SRGAP3: variants seen among roughly 807,000 people sequenced by gnomAD.
The protein encoded by SRGAP3 is SLIT-ROBO Rho GTPase-activating protein 3.
A neutral mutation model predicts 121.1 loss-of-function variants in SRGAP3; 39 were observed. The observed-to-expected ratio is 0.32, with a 90% CI of 0.25 to 0.42. The LOEUF is 0.42. SRGAP3 is among the 10% of genes least tolerant of loss of function. The probability of loss-of-function intolerance (pLI) is 1.00; values close to 1 mark genes in which losing one functional copy is unlikely to be tolerated. For missense variants in SRGAP3, 1,213 were observed against 1,470.6 expected, an observed-to-expected ratio of 0.82 and a Z score of 2.86; for synonymous variants, 601 against 570.0, an observed-to-expected ratio of 1.05 and a Z score of -0.77.
At chr3:9,231,153 T>A (rs1462645779) in intron 1 of SRGAP3, among the ~76,000 whole-genome samples, 2 of 152,148 alleles carry the variant, frequency 1.3e-5, no homozygotes, top group Non-Finnish European at 2.9e-5. Flanking sequence ...TCGGCCAAGG[T>A]CTGGGGTGGA....
At chr3:9,335,950 T>C (rs2125287945) in intron 1 of SRGAP3, among the ~76,000 whole-genome samples, 1 of 152,272 alleles carries the variant, frequency 6.6e-6, no homozygotes, top group East Asian at 1.9e-4. Context: ...GGGACTTCAC[T>C]TGGACCTTGA....
chr3:9,225,736 A>C (rs1195095883), intron 1 of SRGAP3, among the ~76,000 whole-genome samples: 5 of 152,164 alleles, frequency 3.3e-5, no homozygotes, highest in African/African-American at 1.2e-4. Flanking sequence ...CAGGGATGGC[A>C]AACTCCAACA....
At chr3:9,348,225 G>C (rs1030998138) in intron 1 of SRGAP3, among the ~76,000 whole-genome samples, 3 of 152,168 alleles carry the variant, frequency 2.0e-5, no homozygotes. Context: ...CTCTGTGGTA[G>C]GTGAAATGAC....
chr3:9,276,359 C>G (rs764724522), intron 3 of SRGAP3, among the ~76,000 whole-genome samples: 2 of 151,992 alleles, frequency 1.3e-5, no homozygotes, highest in Non-Finnish European at 2.9e-5. Context: ...CTTGCTGGAC[C>G]CTCCTTCATT....
At chr3:9,047,904 T>A (rs1019533562) in intron 9 of SRGAP3, among the ~76,000 whole-genome samples, 3 of 152,228 alleles carry the variant, frequency 2.0e-5, no homozygotes, top group African/African-American at 7.2e-5. Context: ...CTTTATCGGA[T>A]CTGTCAGAGA....
intron 4 of SRGAP3, chr3:9,065,309 G>C (rs986213322): frequency 6.6e-6 from 1 of 152,170 alleles, no homozygotes; most frequent in African/African-American, 2.4e-5. Flanking sequence ...AAATTTCTGA[G>C]CCAGAAGAAA....
chr3:9,124,768 G>T lies in SRGAP3; in HGVS notation c.217C>A (p.Arg73Ser). ...GAGCTGCGGATTTTGGAGGAGAAGC[G>T]CTCAGCCAGCTTCTCCAGGCTGCGG... is the stretch of plus-strand genomic sequence containing the variant. ...YSRSLEKLAERFSSKIRSSRE... is the reference protein window; with the variant it reads ...YSRSLEKLAESFSSKIRSSRE... Residue 73 changes from arginine (R) to serine (S), a missense_variant, in exon 2 of 22, where the codon CGC becomes AGC. Physicochemically the swap from Arg to Ser is moderately radical, Grantham distance 110. Coordinates refer to ENST00000383836, the MANE Select transcript of SRGAP3 (RefSeq NM_014850.4). 6.2e-7 allele frequency: 1 copy of T among 1,614,156 alleles called. No homozygotes were observed. Among genetic ancestry groups the T allele is most frequent in the Non-Finnish European group, 8.5e-7 (1 of 1,180,046 alleles).
At chr3:9,290,104 C>T (rs185504853) in intron 3 of SRGAP3, among the ~76,000 whole-genome samples, 164 of 151,262 alleles carry the variant, frequency 1.1e-3, no homozygotes, top group African/African-American at 3.8e-3. Flanking sequence ...GAGCAAGACT[C>T]GGTCTTAAAA....
chr3:9,090,598 C>T (rs575923175), intron 3 of SRGAP3, among the ~76,000 whole-genome samples: 1 of 152,248 alleles, frequency 6.6e-6, no homozygotes, highest in African/African-American at 2.4e-5. Context: ...CACAGTAGGT[C>T]CTAAGACTTT....
intron 18 of SRGAP3, among the ~76,000 whole-genome samples, chr3:9,006,490 T>A (rs192907028): frequency 7.5e-4 from 110 of 146,958 alleles, no homozygotes; most frequent in East Asian, 2.9e-3. Flanking sequence ...TTTAATACCA[T>A]CAAAAACCTC....
At chr3:9,015,891 G>T in intron 14 of SRGAP3, 160 bp from the exon 15 acceptor site, 1 of 728,686 alleles carries the variant, frequency 1.4e-6, no homozygotes, top group African/African-American at 1.8e-5. Context: ...CAAGTTTAAA[G>T]TTCTCCCTGC....
chr3:9,179,703 AG>A (rs1951310081), intron 1 of SRGAP3, among the ~76,000 whole-genome samples: 1 of 152,248 alleles, frequency 6.6e-6, no homozygotes. Flanking sequence ...GGAAACTGAG[AG>A]AATCAACCGA....
intron 3 of SRGAP3, among the ~76,000 whole-genome samples, chr3:9,308,156 A>G (rs1955188002): frequency 6.6e-6 from 1 of 152,138 alleles, no homozygotes; most frequent in Non-Finnish European, 1.5e-5. Flanking sequence ...CTCTGTCTCA[A>G]AAAACAGGCC....
intron 1 of SRGAP3, among the ~76,000 whole-genome samples, chr3:9,156,881 T>C (rs1950434929): frequency 6.6e-6 from 1 of 152,184 alleles, no homozygotes; most frequent in Non-Finnish European, 1.5e-5. Flanking sequence ...GAGCAGGGCC[T>C]AGACCTCAAA....
chr3:9,126,636 ACT>A (rs1411408789), intron 1 of SRGAP3, among the ~76,000 whole-genome samples: 156 of 144,434 alleles, frequency 1.1e-3, no homozygotes, highest in East Asian at 5.3e-3. Context: ...TAACTAACTA[ACT>A]AACTAACTAA....
At chr3:9,078,295 G>C (rs1947067875) in intron 4 of SRGAP3, among the ~76,000 whole-genome samples, 1 of 152,092 alleles carries the variant, frequency 6.6e-6, no homozygotes, top group Non-Finnish European at 1.5e-5. Context: ...GGGCTAAGTT[G>C]TTTTGACACT....
intron 3 of SRGAP3, among the ~76,000 whole-genome samples, chr3:9,103,410 C>T (rs7624398): frequency 0.03 from 4,578 of 152,294 alleles, 222 homozygotes; most frequent in African/African-American, 0.11. Flanking sequence ...ATGCTGTACA[C>T]AGGAACAACA....
chr3:9,152,854 T>C (rs1215610199), intron 1 of SRGAP3, among the ~76,000 whole-genome samples: 1 of 58,432 alleles, frequency 1.7e-5, no homozygotes, highest in African/African-American at 8.0e-5. Flanking sequence ...CTGATCAACA[T>C]GAGGGTATAA....
chr3:9,115,698 G>A (rs1230637882), intron 2 of SRGAP3, among the ~76,000 whole-genome samples: 1 of 152,178 alleles, frequency 6.6e-6, no homozygotes, highest in Non-Finnish European at 1.5e-5. Context: ...CACTTTGCAG[G>A]AGAAACTGGA....
Sources: allele counts gnomAD v4.1 joint callset (sites outside exome capture counted in the v4.1 genomes callset), GRCh38; gene constraint gnomAD v4.1.1; transcripts MANE v1.5; gene names NCBI Gene and HGNC (gene_info 2026-07-23, HGNC 2026-07-21).